HPCA: variants seen among roughly 807,000 people sequenced by gnomAD.
The protein encoded by HPCA is hippocalcin.
HPCA carries 4 observed loss-of-function variants against 18.2 expected under a neutral mutation model. That is an observed-to-expected ratio of 0.22 (90% CI 0.11 to 0.50). The LOEUF (loss-of-function observed/expected upper bound fraction) is 0.50, where lower values mean the gene tolerates loss of function less well. Among genes scored for constraint, HPCA ranks in the 20% least tolerant of loss-of-function variants. HPCA has a pLI of 0.97. For missense variants in HPCA, 161 were observed against 265.8 expected (o/e 0.61, Z 2.74); for synonymous variants, 93 against 103.5 (o/e 0.90, Z 0.61).
rs1641537149 is a variant in HPCA at position 32,894,599 on chromosome 1, A to G, written c.*737A>G. 1 of 522,470 alleles carries G rather than the reference A, an allele frequency of 1.9e-6. No individual in the cohort carries two copies. The highest frequency in any genetic ancestry group is 3.1e-6 in the Non-Finnish European group (1 of 319,844). 32.4% of individuals were successfully genotyped at this position (522,470 alleles called of 1,614,324 possible). A position where few individuals can be genotyped will look rare whatever the true frequency, so the allele number is the denominator to read the frequency against. The stretch of plus-strand genomic sequence containing the variant: ...CCCCCTGCATGCAGCCAAATGGAGC[A>G]TCTCTGTTCTTTTTAATAATTTCAG... On this transcript the variant is annotated 3_prime_UTR_variant, in exon 4 of 4. Transcript: ENST00000373467.
chr1:32,887,196 G>T (rs946901344), intron 1 of HPCA, among the ~76,000 whole-genome samples: 2 of 152,132 alleles, frequency 1.3e-5, no homozygotes, highest in Admixed American at 6.5e-5. Flanking sequence ...GGACACACAC[G>T]GGTCCTCCAA....
At position 32,886,621 on chromosome 1, in the gene HPCA, C is replaced by G. The variant is rs1570014087; in HGVS notation, c.-22+106C>G. 1 of 152,238 alleles carries G rather than the reference C, an allele frequency of 6.6e-6. No homozygotes were observed. Among genetic ancestry groups the G allele is most frequent in the Non-Finnish European group, 1.5e-5 (1 of 68,100 alleles). The allele number at this position is 152,238 out of a possible 1,614,324, so 9.4% of individuals were successfully genotyped here. A position where few individuals can be genotyped will look rare whatever the true frequency, so the allele number is the denominator to read the frequency against. On this transcript the variant is annotated intron_variant, in intron 1 of 3. Coordinates refer to ENST00000373467, the MANE Select transcript of HPCA (RefSeq NM_002143.3). The surrounding 1 kb of genome is among the most constrained non-coding windows in gnomAD (Gnocchi z 7.0). ...CCAACACCGCCGCTCCCGGGCTTCC[C>G]GGGAATCCTTGCCCCGGGTGGCGGG...
intron 1 of HPCA, among the ~76,000 whole-genome samples, chr1:32,887,995 C>T (rs942244): frequency 7.9e-5 from 12 of 152,000 alleles, no homozygotes; most frequent in Non-Finnish European, 1.3e-4. Flanking sequence ...ATACAGTTAT[C>T]GGTATACATT....
In HPCA at chr1:32,888,895, G is replaced by A. The variant is rs770113385; in HGVS notation, c.-4G>A. ...GGACCCAGGTGGGACTTGGCTCGGCGGCCATGGGCAAGCAGAACAGCAAGC... is the reference window on the plus strand; with the variant it reads ...GGACCCAGGTGGGACTTGGCTCGGCAGCCATGGGCAAGCAGAACAGCAAGC... On this transcript the variant is annotated 5_prime_UTR_variant, in exon 2 of 4. Coordinates refer to ENST00000373467, the MANE Select transcript of HPCA (RefSeq NM_002143.3). The A allele has an allele frequency of 9.3e-6, 15 of 1,605,638 alleles. No individual in the cohort carries two copies. In the East Asian group the frequency reaches 1.3e-4, roughly 14 times the overall value.
In HPCA at chr1:32,893,988, T is replaced by TG. The variant is rs1408674327; in HGVS notation, c.*132dup. 2 of 728,554 alleles carry TG rather than the reference T, an allele frequency of 2.7e-6. No homozygotes were observed. The highest frequency in any genetic ancestry group is 3.7e-5 in the South Asian group (2 of 54,686). 45.1% of individuals were successfully genotyped at this position (728,554 alleles called of 1,614,324 possible). A position where few individuals can be genotyped will look rare whatever the true frequency, so the allele number is the denominator to read the frequency against. ...AGCCCTTCTCCCCGGGTCTGCCCTG[T>TG]GGGGGGCTTCCGGAAAAGGGAACCC... On this transcript the variant is annotated 3_prime_UTR_variant, in exon 4 of 4. Coordinates refer to ENST00000373467, the MANE Select transcript of HPCA (RefSeq NM_002143.3). The surrounding 1 kb of genome is among the most constrained non-coding windows in gnomAD (Gnocchi z 7.5).
At chr1:32,887,184 G>A (rs184206833) in intron 1 of HPCA, among the ~76,000 whole-genome samples, 3 of 152,162 alleles carry the variant, frequency 2.0e-5, no homozygotes, top group Admixed American at 2.0e-4. Flanking sequence ...ACACACCGCC[G>A]AGGACACACA....
chr1:32,894,498 C>T lies in HPCA; in HGVS notation c.*636C>T. The stretch of plus-strand genomic sequence containing the variant: ...GGGCAGATGCACCCAGAGCCCCATG[C>T]ACAGTGTCCTGCGTGGGAAAGAGAC... On this transcript the variant is annotated 3_prime_UTR_variant, in exon 4 of 4. Coordinates refer to ENST00000373467, the MANE Select transcript of HPCA (RefSeq NM_002143.3). 1 of 372,858 alleles carries T rather than the reference C, an allele frequency of 2.7e-6. No individual in the cohort carries two copies. The highest frequency in any genetic ancestry group is 5.0e-5 in the South Asian group (1 of 20,028). The allele number at this position is 372,858 out of a possible 1,614,324, so 23.1% of individuals were successfully genotyped here.
chr1:32,891,586 T>A (rs1641454233), intron 2 of HPCA, among the ~76,000 whole-genome samples: 1 of 152,170 alleles, frequency 6.6e-6, no homozygotes, highest in South Asian at 2.1e-4. Flanking sequence ...AGCTGCTGTT[T>A]ACTGACCACC....
chr1:32,892,803 A>G (rs933352683), intron 2 of HPCA, among the ~76,000 whole-genome samples: 2 of 152,132 alleles, frequency 1.3e-5, no homozygotes, highest in African/African-American at 4.8e-5. Flanking sequence ...GCTCCAAGGC[A>G]CTGCGACCCA....
chr1:32,887,663 C>T (rs1472285894), intron 1 of HPCA, among the ~76,000 whole-genome samples: 1 of 152,126 alleles, frequency 6.6e-6, no homozygotes, highest in Non-Finnish European at 1.5e-5. Flanking sequence ...CTCCTGGGAC[C>T]TGGCAGCACC....
chr1:32,886,988 C>T lies in HPCA; in HGVS notation c.-22+473C>T, dbSNP rs1450543202. ...GCACTGGAGGAGCTCTCTTGCTCCG[C>T]GCATCTCTCTGCCCCCACCCCGGTG... On this transcript the variant is annotated intron_variant, in intron 1 of 3. Transcript: ENST00000373467. The surrounding 1 kb of genome is among the most constrained non-coding windows in gnomAD (Gnocchi z 7.0). 6.6e-6 allele frequency among the ~76,000 whole-genome samples: 1 copy of T among 152,184 alleles called. No individual in the cohort carries two copies. Among genetic ancestry groups the T allele is most frequent in the Non-Finnish European group, 1.5e-5 (1 of 68,026 alleles).
At position 32,893,673 on chromosome 1, in the gene HPCA, T is replaced by TTGC; in HGVS notation, c.484+44_484+45insTGC. 1 of 1,314,132 alleles carries TTGC rather than the reference T, an allele frequency of 7.6e-7. No homozygotes were observed. The highest frequency in any genetic ancestry group is 1.1e-6 in the Non-Finnish European group (1 of 926,078). 81.4% of individuals were successfully genotyped at this position (1,314,132 alleles called of 1,614,324 possible). A position where few individuals can be genotyped will look rare whatever the true frequency, so the allele number is the denominator to read the frequency against. On this transcript the variant is annotated intron_variant, in intron 3 of 3. Coordinates refer to ENST00000373467, the MANE Select transcript of HPCA (RefSeq NM_002143.3). The surrounding 1 kb of genome is among the most constrained non-coding windows in gnomAD (Gnocchi z 7.5). ...ACGGGGTGGACGGGGCGGGCGCCTT[T>TTGC]CCCTCCCTCCCTCCCTGCCTCCCTT...
chr1:32,889,180 C>G lies in HPCA; in HGVS notation c.282C>G (p.Arg94=), dbSNP rs376799106. ...TCATTGCGCTGAGCGTGACCTCGCGCGGCCGCCTGGAGCAGAAGCTCATGT... is the reference window on the plus strand; with the variant it reads ...TCATTGCGCTGAGCGTGACCTCGCGGGGCCGCCTGGAGCAGAAGCTCATGT... ...EFIIALSVTS[R]GRLEQKLMWA... The change falls in exon 2 of 4, where the codon CGC becomes CGG. Residue 94 remains arginine (R), a synonymous_variant. Transcript: ENST00000373467. This position sits in a 1 kb window ranked among gnomAD's most constrained non-coding sequence, Gnocchi z 4.6. 7 of 1,614,132 alleles carry G rather than the reference C, an allele frequency of 4.3e-6. No individual in the cohort carries two copies. Among genetic ancestry groups the G allele is most frequent in the Non-Finnish European group, 5.9e-6 (7 of 1,180,054 alleles).
chr1:32,894,601 C>A lies in HPCA; in HGVS notation c.*739C>A. The A allele has an allele frequency of 1.7e-6, 1 of 598,932 alleles. No homozygotes were observed. Among genetic ancestry groups the A allele is most frequent in the East Asian group, 3.2e-5 (1 of 30,798 alleles). 37.1% of individuals were successfully genotyped at this position (598,932 alleles called of 1,614,324 possible). ...CCCTGCATGCAGCCAAATGGAGCAT[C>A]TCTGTTCTTTTTAATAATTTCAGAA... On this transcript the variant is annotated 3_prime_UTR_variant, in exon 4 of 4. Transcript: ENST00000373467.
Position 32,893,481 on chromosome 1 carries a change from C to T in HPCA, c.379-43C>T. 2 of 1,403,984 alleles carry T rather than the reference C, an allele frequency of 1.4e-6. No homozygotes were observed. The highest frequency in any genetic ancestry group is 4.6e-5 in the East Asian group (2 of 43,140). 87.0% of individuals were successfully genotyped at this position (1,403,984 alleles called of 1,614,324 possible). ...CCTCTGAATCTTGCGGGTGGGGGCT[C>T]GGGCAGGCTCCTCTCACTCCCCGCC... On this transcript the variant is annotated intron_variant, in intron 2 of 3. Coordinates refer to ENST00000373467, the MANE Select transcript of HPCA (RefSeq NM_002143.3). The surrounding 1 kb of genome is among the most constrained non-coding windows in gnomAD (Gnocchi z 7.5).
intron 1 of HPCA, among the ~76,000 whole-genome samples, chr1:32,888,049 T>TACCCAG (rs1641399591): frequency 6.6e-6 from 1 of 152,312 alleles, no homozygotes; most frequent in African/African-American, 2.4e-5. Context: ...CCTGGGTATA[T>TACCCAG]GTAAGTCATT....
At position 32,889,868 on chromosome 1, in the gene HPCA, G is replaced by C. The variant is rs1223171467; in HGVS notation, c.378+592G>C. Among the ~76,000 whole-genome samples the C allele has an allele frequency of 1.3e-5, 2 of 152,180 alleles. No individual in the cohort carries two copies. Among genetic ancestry groups the C allele is most frequent in the Non-Finnish European group, 2.9e-5 (2 of 68,040 alleles). On this transcript the variant is annotated intron_variant, in intron 2 of 3. Coordinates refer to ENST00000373467, the MANE Select transcript of HPCA (RefSeq NM_002143.3). The surrounding 1 kb of genome is among the most constrained non-coding windows in gnomAD (Gnocchi z 4.6). The stretch of plus-strand genomic sequence containing the variant: ...TCTTTTATGAATTGACATTTCTGCA[G>C]AGCACAGTCCAGCTATGTCTAGTTG...
In HPCA at chr1:32,886,807, G is replaced by C. The variant is rs1337550505; in HGVS notation, c.-22+292G>C. 6.6e-6 allele frequency among the ~76,000 whole-genome samples: 1 copy of C among 152,148 alleles called. No homozygotes were observed. Among genetic ancestry groups the C allele is most frequent in the Non-Finnish European group, 1.5e-5 (1 of 68,016 alleles). On this transcript the variant is annotated intron_variant, in intron 1 of 3. Transcript: ENST00000373467. The surrounding 1 kb of genome is among the most constrained non-coding windows in gnomAD (Gnocchi z 7.0). ...GAGCGGATGGAGGCGGGGGCTGGGG[G>C]ACAGAGCTGAGGGAGGTTTGGAGCG...
At position 32,894,171 on chromosome 1, in the gene HPCA, T is replaced by C; in HGVS notation, c.*309T>C. 2.8e-6 allele frequency: 1 copy of C among 359,970 alleles called. No homozygotes were observed. The highest frequency in any genetic ancestry group is 5.7e-5 in the South Asian group (1 of 17,534). The allele number at this position is 359,970 out of a possible 1,614,324, so 22.3% of individuals were successfully genotyped here. ...CCCCTCCCCCAAAGGGGCAGTCCCC[T>C]TCTTGCAGGTCTCAGCTTGCGGGGT... On this transcript the variant is annotated 3_prime_UTR_variant, in exon 4 of 4. Transcript: ENST00000373467.
Sources: allele counts gnomAD v4.1 joint callset (sites outside exome capture counted in the v4.1 genomes callset), GRCh38; gene constraint gnomAD v4.1.1; non-coding constraint Gnocchi (gnomAD v3.1); transcripts MANE v1.5; gene names NCBI Gene and HGNC (gene_info 2026-07-23, HGNC 2026-07-21).